The following SNAPC4 variants were observed in gnomAD, a reference collection of about 807,000 sequenced individuals.
SNAPC4 encodes the protein small nuclear RNA activating complex polypeptide 4.
SNAPC4 carries 127 observed loss-of-function variants against 151.3 expected under a neutral mutation model. That is an observed-to-expected ratio of 0.84 (90% confidence interval 0.73 to 0.97). The LOEUF (loss-of-function observed/expected upper bound fraction) is 0.97. SNAPC4 is among the 50% of genes least tolerant of loss of function. SNAPC4 has a pLI of 0.00. For synonymous variants in SNAPC4, 1,002 were observed against 824.4 expected, an observed-to-expected ratio of 1.22 and a Z score of -3.69; for missense variants, 2,186 against 1,935.0, an observed-to-expected ratio of 1.13 and a Z score of -2.43.
chr9:136,381,635 G>A (rs1210666447), intron 18 of SNAPC4, among the ~76,000 whole-genome samples, 189 bp downstream of exon 18: 2 of 152,164 alleles, frequency 1.3e-5, no homozygotes, highest in Non-Finnish European at 2.9e-5. Flanking sequence ...GGTAGGGAGG[G>A]AGGGCTGGCT....
intron 13 of SNAPC4, 40 bp from the exon 14 acceptor site, chr9:136,384,854 G>A (rs371243282): frequency 3.4e-5 from 39 of 1,141,816 alleles, no homozygotes; most frequent in African/African-American, 3.1e-4. Context: ...TTTAGATGCC[G>A]AGACGCCGCC....
chr9:136,391,467 TGAG>T (rs1834071330), intron 10 of SNAPC4, among the ~76,000 whole-genome samples: 1 of 152,044 alleles, frequency 6.6e-6, no homozygotes, highest in Non-Finnish European at 1.5e-5. Flanking sequence ...TGGAAATCTA[TGAG>T]AAGAAGAGTT....
intron 10 of SNAPC4, among the ~76,000 whole-genome samples, chr9:136,391,238 G>C (rs908129700): frequency 1.3e-5 from 2 of 152,148 alleles, no homozygotes; most frequent in African/African-American, 4.8e-5. Flanking sequence ...GGCAAGTTTA[G>C]CTGGGTCTGC....
intron 14 of SNAPC4, 105 bp downstream of exon 14, chr9:136,384,615 C>T (rs891408894): frequency 1.1e-5 from 7 of 616,594 alleles, no homozygotes; most frequent in Non-Finnish European, 1.9e-5. Context: ...CACCACCGCA[C>T]CCCAGCCTGG....
chr9:136,388,324 A>T (rs1833959249), intron 11 of SNAPC4, 120 bp downstream of exon 11: 1 of 956,572 alleles, frequency 1.0e-6, no homozygotes, highest in Non-Finnish European at 1.5e-6. Context: ...TGGAACAGCC[A>T]GGACTGTCTA....
chr9:136,379,175 G>A lies in SNAPC4; in HGVS notation c.2652C>T (p.Thr884=), dbSNP rs745489270. ...TLPQASLLAS[T]GPRPKPKTVS... Reference sequence around the variant, plus strand: ...CAGTCTTGGGCTTGGGCCGGGGGCCGGTTGAAGCCAGCAGGGACGCCTGGG... The same window carrying A: ...CAGTCTTGGGCTTGGGCCGGGGGCCAGTTGAAGCCAGCAGGGACGCCTGGG... Residue 884 remains threonine (T), a synonymous_variant, in exon 22 of 24, where the codon ACC becomes ACT. Coordinates refer to ENST00000684778, the MANE Select transcript of SNAPC4 (RefSeq NM_003086.4). The A allele has an allele frequency of 3.9e-5, 62 of 1,596,840 alleles. No homozygotes were observed. The highest frequency in any genetic ancestry group is 1.7e-4 in the Middle Eastern group (1 of 6,028).
chr9:136,389,539 C>T (rs914541562), intron 10 of SNAPC4, among the ~76,000 whole-genome samples: 1 of 150,948 alleles, frequency 6.6e-6, no homozygotes, highest in Non-Finnish European at 1.5e-5. Context: ...ACAAAACCAC[C>T]ACCCCGGGGT....
At position 136,388,489 on chromosome 9, in the gene SNAPC4, G is replaced by C; in HGVS notation, c.1078C>G (p.Leu360Val). Residue 360 changes from leucine (L) to valine (V), a missense_variant, in exon 11 of 24, where the codon CTG becomes GTG. Coordinates refer to ENST00000684778, the MANE Select transcript of SNAPC4 (RefSeq NM_003086.4). ...CTGCCGACGCGCATCTCCTGCACCA[G>C]CTGCGTGAGCATGCGGTCCTCCTCC... ...TEEEDRMLTQ[L>V]VQEMRVGSHI... The C allele has an allele frequency of 6.2e-7, 1 of 1,613,164 alleles. No individual in the cohort carries two copies. Among genetic ancestry groups the C allele is most frequent in the South Asian group, 1.1e-5 (1 of 90,946 alleles).
chr9:136,382,762 T>C (rs1026790077), intron 16 of SNAPC4, among the ~76,000 whole-genome samples: 5 of 152,182 alleles, frequency 3.3e-5, no homozygotes, highest in African/African-American at 1.2e-4. Context: ...GAGATGGGCC[T>C]GACACGGTGA....
intron 11 of SNAPC4, 125 bp downstream of exon 11, chr9:136,388,319 C>A: frequency 2.4e-6 from 2 of 827,722 alleles, no homozygotes; most frequent in Non-Finnish European, 1.8e-6. Context: ...AACTGTGGAA[C>A]AGCCAGGACT....
At chr9:136,386,144 G>A (rs1338576540) in intron 13 of SNAPC4, among the ~76,000 whole-genome samples, 1 of 128,926 alleles carries the variant, frequency 7.8e-6, no homozygotes, top group African/African-American at 2.8e-5. Flanking sequence ...CCAACACGGT[G>A]ACTTTTTTTT....
chr9:136,394,985 T>C (rs1834211559), intron 5 of SNAPC4, 107 bp from the exon 6 acceptor site: 9 of 1,006,170 alleles, frequency 8.9e-6, no homozygotes, highest in Non-Finnish European at 1.3e-5. Context: ...CCCTGCCTCC[T>C]GTTCTCCCGT....
In SNAPC4 at chr9:136,388,523, C is replaced by G; in HGVS notation, c.1044G>C (p.Glu348Asp). ...GCATGCGGTCCTCCTCCTCTGTCCA[C>G]TCCTTGCGTTTCAGAGCTTTGTTGT... ...QQHNKALKRK[E>D]WTEEEDRMLT... The change falls in exon 11 of 24, where the codon GAG (glutamate) becomes GAC (aspartate). Residue 348 changes from glutamate (E) to aspartate (D), a missense_variant. Transcript: ENST00000684778. 3.1e-6 allele frequency: 5 copies of G among 1,614,112 alleles called. No homozygotes were observed. The highest frequency in any genetic ancestry group is 4.2e-6 in the Non-Finnish European group (5 of 1,180,038).
intron 1 of SNAPC4, among the ~76,000 whole-genome samples, chr9:136,399,294 G>C (rs1834374268): frequency 6.6e-6 from 1 of 152,148 alleles, no homozygotes. Flanking sequence ...ATCCACCCGC[G>C]AGCACCGTTA....
Position 136,377,645 on chromosome 9 carries a change from C to A in SNAPC4, c.4182G>T (p.Ser1394=). ...QGVRTTLSVP[S]RVGSESEDED... is the part of the protein sequence containing the mutation. ...CATCCTCACTCTCAGAGCCCACCCT[C>A]GAAGGTACTGAGAGGGTGGTGCGGA... is the stretch of plus-strand genomic sequence containing the variant. The change falls in exon 22 of 24, where the codon TCG becomes TCT. Residue 1394 remains serine (S), a synonymous_variant. Transcript: ENST00000684778. The A allele has an allele frequency of 6.3e-7, 1 of 1,592,724 alleles. No homozygotes were observed. The highest frequency in any genetic ancestry group is 8.6e-7 in the Non-Finnish European group (1 of 1,167,710).
rs765899896 is a variant in SNAPC4, at chr9:136,383,573, T to TCCACTGCTG, written c.1587_1595dup (p.Ser530_Gly532dup). Reference sequence around the variant, plus strand: ...TGCTGCTGCTGCTGCTGCTGCTCCCTCCACTGCTGCCACTGCTGCTGCCGC... The same window carrying TCCACTGCTG: ...TGCTGCTGCTGCTGCTGCTGCTCCCTCCACTGCTGCCACTGCTGCCACTGCTGCTGCCGC... On this transcript the variant is annotated inframe_insertion, in exon 16 of 24. Coordinates refer to ENST00000684778, the MANE Select transcript of SNAPC4 (RefSeq NM_003086.4). This position sits in a 1 kb window ranked among gnomAD's most constrained non-coding sequence, Gnocchi z 4.2. The TCCACTGCTG allele has an allele frequency of 3.7e-6, 6 of 1,601,338 alleles. No individual in the cohort carries two copies. Among genetic ancestry groups the TCCACTGCTG allele is most frequent in the South Asian group, 1.1e-5 (1 of 90,660 alleles).
intron 10 of SNAPC4, 67 bp downstream of exon 10, chr9:136,391,875 G>C: frequency 6.6e-7 from 1 of 1,525,690 alleles, no homozygotes; most frequent in Non-Finnish European, 8.8e-7. Flanking sequence ...CCGTCCAGCA[G>C]CCTCCCGCTA....
At chr9:136,382,726 T>C (rs1833744567) in intron 16 of SNAPC4, among the ~76,000 whole-genome samples, 1 of 152,178 alleles carries the variant, frequency 6.6e-6, no homozygotes, top group South Asian at 2.1e-4. Flanking sequence ...CCTGTTCAAC[T>C]CTGACTGCTC....
chr9:136,383,728 G>A lies in SNAPC4; in HGVS notation c.1501-60C>T. On this transcript the variant is annotated intron_variant, in intron 15 of 23. Transcript: ENST00000684778. The surrounding 1 kb of genome is among the most constrained non-coding windows in gnomAD (Gnocchi z 4.2). ...CAAGCCCGGTTCACCCATGATGGCA[G>A]CAAGCAGGCCAGCCCTTTGGGGAGA... 6.4e-7 allele frequency: 1 copy of A among 1,554,922 alleles called. No individual in the cohort carries two copies.
Sources: allele counts gnomAD v4.1 joint callset (sites outside exome capture counted in the v4.1 genomes callset), GRCh38; gene constraint gnomAD v4.1.1; non-coding constraint Gnocchi (gnomAD v3.1); transcripts MANE v1.5; gene names NCBI Gene and HGNC (gene_info 2026-07-23, HGNC 2026-07-21).